Variants in CEP120 observed in about 807,000 individuals in gnomAD.
CEP120 encodes centrosomal protein 120, also known as centrosomal protein of 120 kDa.
CEP120 carries 113 observed loss-of-function variants against 126.5 expected under a neutral mutation model. That is an observed-to-expected ratio of 0.89 (90% confidence interval 0.77 to 1.04). The LOEUF (loss-of-function observed/expected upper bound fraction) is 1.04. Among genes scored for constraint, CEP120 ranks in the 50% least tolerant of loss-of-function variants. CEP120 has a pLI of 0.00. For synonymous variants in CEP120, 400 were observed against 394.3 expected, an observed-to-expected ratio of 1.01 and a Z score of -0.17; for missense variants, 1,230 against 1,155.7, an observed-to-expected ratio of 1.06 and a Z score of -0.93.
In CEP120 at chr5:123,393,330, A is replaced by T. The variant is rs781160788; in HGVS notation, c.780T>A (p.Arg260=). ...VRIRSSVEIL[R]VYLALQSKLQ... ...GTTTAGACTGAAGAGCCAGGTAAAC[A>T]CGAAGAATTTCTACACTGCTACGGA... Residue 260 remains arginine (R), a synonymous_variant, in exon 6 of 20, where the codon CGT becomes CGA. Transcript: ENST00000306467. 6.2e-7 allele frequency: 1 copy of T among 1,614,178 alleles called. No homozygotes were observed. The highest frequency in any genetic ancestry group is 2.2e-5 in the East Asian group (1 of 44,874).
chr5:123,393,030 T>C (rs1772510583), intron 6 of CEP120, among the ~76,000 whole-genome samples: 1 of 152,150 alleles, frequency 6.6e-6, no homozygotes, highest in South Asian at 2.1e-4. Flanking sequence ...AGGTATAATT[T>C]TTTTTATTGC....
intron 6 of CEP120, among the ~76,000 whole-genome samples, chr5:123,392,790 G>A (rs1381963463): frequency 6.6e-6 from 1 of 152,198 alleles, no homozygotes. Flanking sequence ...AATTATAGGT[G>A]TGAGCTACCA....
intron 14 of CEP120, among the ~76,000 whole-genome samples, chr5:123,378,656 C>A (rs1771431513): frequency 6.6e-6 from 1 of 152,040 alleles, no homozygotes; most frequent in Admixed American, 6.6e-5. Flanking sequence ...AAGATAAACA[C>A]AAATTTTAAC....
rs534496990 is a variant in CEP120, at chr5:123,403,327, T to C, written c.464-4043A>G. The C allele has an allele frequency of 9.6e-5, 44 of 456,024 alleles. No homozygotes were observed. In the Middle Eastern group the frequency reaches 1.3e-3, roughly 13 times the overall value. The allele number at this position is 456,024 out of a possible 1,614,324, so 28.2% of individuals were successfully genotyped here. A position where few individuals can be genotyped will look rare whatever the true frequency, so the allele number is the denominator to read the frequency against. On this transcript the variant is annotated intron_variant, in intron 4 of 19. Transcript: ENST00000306467. ...AGACAGAGTAAGCACAAGATGAGCTTGGAACATCTTGCTGTGCCTGAAAAT... is the reference window on the plus strand; with the variant it reads ...AGACAGAGTAAGCACAAGATGAGCTCGGAACATCTTGCTGTGCCTGAAAAT...
intron 1 of CEP120, chr5:123,422,717 G>C: frequency 1.4e-6 from 1 of 707,778 alleles, no homozygotes; most frequent in Non-Finnish European, 2.4e-6. Flanking sequence ...AGATTCTCTG[G>C]GGCTACGGCT....
At position 123,346,540 on chromosome 5, in the gene CEP120, T is replaced by G; in HGVS notation, c.2940A>C (p.Ala980=). The stretch of plus-strand genomic sequence containing the variant: ...GTTATTAATTACTGGCATTGCTTTT[T>G]GCCAAAATCTCTCTGATCTGTCGGT... ...ELDRQIREIL[A]KSNASN The change falls in exon 20 of 20, where the codon GCA becomes GCC. Residue 980 remains alanine (A), a synonymous_variant. Transcript: ENST00000306467. 6.2e-7 allele frequency: 1 copy of G among 1,611,954 alleles called. No individual in the cohort carries two copies. The highest frequency in any genetic ancestry group is 8.5e-7 in the Non-Finnish European group (1 of 1,179,456).
chr5:123,406,313 A>G (rs1319401020), intron 4 of CEP120, among the ~76,000 whole-genome samples: 1 of 151,992 alleles, frequency 6.6e-6, no homozygotes, highest in Admixed American at 6.6e-5. Flanking sequence ...AGCAATAATT[A>G]CTGAGAATTT....
intron 1 of CEP120, among the ~76,000 whole-genome samples, chr5:123,419,822 G>C (rs1189381028): frequency 6.6e-6 from 1 of 151,970 alleles, no homozygotes; most frequent in African/African-American, 2.4e-5. Flanking sequence ...CTAGTTAAGA[G>C]AAACAAACCA....
intron 4 of CEP120, among the ~76,000 whole-genome samples, chr5:123,407,955 T>G (rs898818842): frequency 6.6e-6 from 1 of 151,782 alleles, no homozygotes; most frequent in African/African-American, 2.4e-5. Context: ...AAATAACACA[T>G]GGGTTAAAAA....
chr5:123,371,193 T>C (rs548881200), intron 17 of CEP120, among the ~76,000 whole-genome samples: 99 of 152,182 alleles, frequency 6.5e-4, no homozygotes, highest in African/African-American at 2.2e-3. Flanking sequence ...ATGATGCCTA[T>C]ATTAGTCTGT....
At position 123,378,365 on chromosome 5, in the gene CEP120, C is replaced by G; in HGVS notation, c.2167G>C (p.Glu723Gln). 1.2e-6 allele frequency: 2 copies of G among 1,608,526 alleles called. No individual in the cohort carries two copies. Among genetic ancestry groups the G allele is most frequent in the Non-Finnish European group, 1.7e-6 (2 of 1,177,844 alleles). ...GATTCCACACTAGCAAGCTGCTGCT[C>G]TCGCTTCTCCAAGTCAATTAGAGTT... ...QKTLIDLEKR[E>Q]QQLASVESEL... The change falls in exon 15 of 20, where the codon GAG (glutamate) becomes CAG (glutamine). Residue 723 changes from glutamate to glutamine, a missense_variant. Physicochemically the swap from Glu to Gln is conservative, Grantham distance 29 (BLOSUM62 2). Coordinates refer to ENST00000306467, the MANE Select transcript of CEP120 (RefSeq NM_001375405.1).
At chr5:123,395,655 T>C (rs1356472826) in intron 5 of CEP120, among the ~76,000 whole-genome samples, 3 of 151,814 alleles carry the variant, frequency 2.0e-5, no homozygotes, top group South Asian at 2.1e-4. Context: ...TTCCTTTATG[T>C]TGTGGCATGT....
intron 17 of CEP120, among the ~76,000 whole-genome samples, chr5:123,371,177 T>C (rs1337304625): frequency 1.3e-5 from 2 of 152,074 alleles, no homozygotes; most frequent in Admixed American, 6.6e-5. Context: ...ACTTTTTTAA[T>C]GTAACATGAT....
chr5:123,388,421 T>C lies in CEP120; in HGVS notation c.1430+11A>G, dbSNP rs1443562947. ...CAGAAAATAATACTTTGAAACAAAA[T>C]CAAATCACACCTTAATATACAGTTG... On this transcript the variant is annotated intron_variant, in intron 9 of 19. Coordinates refer to ENST00000306467, the MANE Select transcript of CEP120 (RefSeq NM_001375405.1). The C allele has an allele frequency of 6.8e-7, 1 of 1,470,682 alleles. No individual in the cohort carries two copies. The highest frequency in any genetic ancestry group is 1.4e-5 in the African/African-American group (1 of 69,832). 91.1% of individuals were successfully genotyped at this position (1,470,682 alleles called of 1,614,324 possible).
At chr5:123,378,462 AC>A in intron 14 of CEP120, 34 bp from the exon 15 acceptor site, 1 of 1,186,420 alleles carries the variant, frequency 8.4e-7, no homozygotes, top group African/African-American at 1.6e-5. Context: ...AAAAAAAGTT[AC>A]CTACCTTCTC....
chr5:123,359,048 C>T (rs1468604246), intron 18 of CEP120, among the ~76,000 whole-genome samples: 1 of 151,990 alleles, frequency 6.6e-6, no homozygotes, highest in East Asian at 1.9e-4. Flanking sequence ...CAACTGTTTT[C>T]TTAAACAAAG....
chr5:123,391,029 A>G, intron 7 of CEP120, 81 bp downstream of exon 7: 1 of 933,990 alleles, frequency 1.1e-6, no homozygotes, highest in Non-Finnish European at 1.6e-6. Flanking sequence ...TATGAAGGTA[A>G]CTCTTCTGAA....
chr5:123,405,944 T>C (rs2127109881), intron 4 of CEP120, among the ~76,000 whole-genome samples: 1 of 152,168 alleles, frequency 6.6e-6, no homozygotes, highest in African/African-American at 2.4e-5. Context: ...TATAAGGCTT[T>C]AATGAAAAAA....
chr5:123,397,121 T>A (rs1179878857), intron 5 of CEP120, among the ~76,000 whole-genome samples: 1 of 152,056 alleles, frequency 6.6e-6, no homozygotes, highest in East Asian at 1.9e-4. Context: ...GTCAGGAGTT[T>A]GAGACCAACC....
Sources: gnomAD v4.1 joint callset for allele counts (sites outside exome capture counted in the v4.1 genomes callset) on GRCh38, gnomAD v4.1.1 for gene constraint, MANE v1.5 for transcripts, NCBI Gene and HGNC (gene_info 2026-07-23, HGNC 2026-07-21) for gene names.